Variants in ADGRL4 observed in about 807,000 individuals in gnomAD.
ADGRL4 encodes the protein adhesion G protein-coupled receptor L4, also known as EGF, latrophilin and seven transmembrane domain containing 1.
A neutral mutation model predicts 74.8 loss-of-function variants in ADGRL4; 90 were observed. The observed-to-expected ratio is 1.20, with a 90% CI of 1.02 to 1.43. The LOEUF (loss-of-function observed/expected upper bound fraction) is 1.43. Among genes scored for constraint, ADGRL4 ranks in the 40% most tolerant of loss-of-function variants. The probability of loss-of-function intolerance (pLI) is 0.00; values close to 1 mark genes in which losing one functional copy is unlikely to be tolerated. For missense variants in ADGRL4, 881 were observed against 814.3 expected (o/e 1.08, Z -1.00); for synonymous variants, 311 against 279.2 (o/e 1.11, Z -1.14).
chr1:78,898,660 G>C (rs564788238), intron 12 of ADGRL4, among the ~76,000 whole-genome samples: 23 of 151,894 alleles, frequency 1.5e-4, no homozygotes, highest in Non-Finnish European at 3.4e-4. Flanking sequence ...AAAAATAGCT[G>C]TGAAGAAAAA....
intron 12 of ADGRL4, among the ~76,000 whole-genome samples, chr1:78,899,400 G>A (rs1198453241): frequency 2.6e-5 from 4 of 152,276 alleles, no homozygotes; most frequent in South Asian, 2.1e-4. Flanking sequence ...TGTTGCCCAG[G>A]CTGGAGTGCA....
rs1160580495 is a variant in ADGRL4, at chr1:78,999,839, TCTAC to T, written c.172+5227_172+5230del. 8.6e-3 allele frequency among the ~76,000 whole-genome samples: 964 copies of T among 111,608 alleles called. 11 individuals carry two copies. The highest frequency in any genetic ancestry group is 0.018 in the African/African-American group (556 of 30,058). The allele number at this position is 111,608 out of a possible 152,430, so 73.2% of individuals were successfully genotyped here. Reference sequence around the variant, plus strand: ...ATCTATCTATCTATCTATCTATCTATCTACCTACCTACCTACCTATCAACTTTAT... The same window carrying T: ...ATCTATCTATCTATCTATCTATCTATCTACCTACCTACCTATCAACTTTAT... On this transcript the variant is annotated intron_variant, in intron 2 of 14. Transcript: ENST00000370742.
chr1:78,893,058 C>CAAAAA lies in ADGRL4; in HGVS notation c.1841+35_1841+39dup. 1.3e-3 allele frequency: 1,114 copies of CAAAAA among 847,900 alleles called. 4 individuals carry two copies. The highest frequency in any genetic ancestry group is 2.5e-3 in the South Asian group (121 of 48,720). The allele number at this position is 847,900 out of a possible 1,614,324, so 52.5% of individuals were successfully genotyped here. On this transcript the variant is annotated intron_variant, in intron 13 of 14. Transcript: ENST00000370742. ...TTGAGTTACTAAAGCTTTTAATTAC[C>CAAAAA]AAAAAAAAAAAAAAAAAGTGAACTT... is the stretch of plus-strand genomic sequence containing the variant.
At chr1:78,996,663 T>C (rs1398199760) in intron 2 of ADGRL4, among the ~76,000 whole-genome samples, 1 of 152,206 alleles carries the variant, frequency 6.6e-6, no homozygotes, top group East Asian at 1.9e-4. Context: ...AGGCCTTCCA[T>C]GGTTGATCCT....
In ADGRL4 at chr1:79,006,620, G is replaced by T. The variant is rs952386561; in HGVS notation, c.22+13C>A. ...TCCGACGACCTCGGCGACCAGGGGCGCTGAGCACTCACCTAGGAGCGGGAG... is the reference window on the plus strand; with the variant it reads ...TCCGACGACCTCGGCGACCAGGGGCTCTGAGCACTCACCTAGGAGCGGGAG... On this transcript the variant is annotated intron_variant, in intron 1 of 14. Coordinates refer to ENST00000370742, the MANE Select transcript of ADGRL4 (RefSeq NM_022159.4). 2.0e-6 allele frequency: 3 copies of T among 1,534,820 alleles called. No homozygotes were observed. Among genetic ancestry groups the T allele is most frequent in the South Asian group, 1.2e-5 (1 of 82,766 alleles).
chr1:78,968,175 A>G (rs1650093258), intron 2 of ADGRL4, among the ~76,000 whole-genome samples: 1 of 152,152 alleles, frequency 6.6e-6, no homozygotes, highest in East Asian at 1.9e-4. Context: ...TAAGGTTGTT[A>G]TGATGTCACT....
chr1:78,972,513 TAACAA>T lies in ADGRL4; in HGVS notation c.173-26092_173-26088del, dbSNP rs924083666. ...ATAAGAGGCAATGGTTTCAGTCCTG[TAACAA>T]CTCTTTATAATTTAAGTACTGTACA... is the stretch of plus-strand genomic sequence containing the variant. On this transcript the variant is annotated intron_variant, in intron 2 of 14. Coordinates refer to ENST00000370742, the MANE Select transcript of ADGRL4 (RefSeq NM_022159.4). Among the ~76,000 whole-genome samples, 248 of 152,308 alleles carry T rather than the reference TAACAA, an allele frequency of 1.6e-3. 1 individual carries two copies. The highest frequency in any genetic ancestry group is 5.7e-3 in the African/African-American group (239 of 41,568).
chr1:78,913,477 G>A lies in ADGRL4; in HGVS notation c.1749+4157C>T, dbSNP rs574497171. On this transcript the variant is annotated intron_variant, in intron 12 of 14. Coordinates refer to ENST00000370742, the MANE Select transcript of ADGRL4 (RefSeq NM_022159.4). ...ATGAGTTCATGTCCTTTGCAGGGTC[G>A]TGGATGGAACTGGAGGTCATTATCC... Among the ~76,000 whole-genome samples the A allele has an allele frequency of 5.3e-5, 8 of 151,920 alleles. No individual in the cohort carries two copies. The East Asian group carries it at 7.8e-4, about 15-fold the overall frequency.
chr1:78,889,822 C>T lies in ADGRL4; in HGVS notation c.*1332G>A. ...GATTTGGCAGACTTCATTTCAACAGCTGGAGGAATTAATTTAAAATCACAA... is the reference window on the plus strand; with the variant it reads ...GATTTGGCAGACTTCATTTCAACAGTTGGAGGAATTAATTTAAAATCACAA... On this transcript the variant is annotated 3_prime_UTR_variant, in exon 15 of 15. Coordinates refer to ENST00000370742, the MANE Select transcript of ADGRL4 (RefSeq NM_022159.4). 1.5e-5 allele frequency: 7 copies of T among 462,102 alleles called. No individual in the cohort carries two copies. The highest frequency in any genetic ancestry group is 3.1e-5 in the Non-Finnish European group (7 of 222,694). The allele number at this position is 462,102 out of a possible 1,614,324, so 28.6% of individuals were successfully genotyped here. A position where few individuals can be genotyped will look rare whatever the true frequency, so the allele number is the denominator to read the frequency against.
At chr1:78,969,753 T>C (rs1650133421) in intron 2 of ADGRL4, among the ~76,000 whole-genome samples, 1 of 151,880 alleles carries the variant, frequency 6.6e-6, no homozygotes, top group Non-Finnish European at 1.5e-5. Context: ...AGAGAGAAAT[T>C]ATGTTTCAAA....
intron 8 of ADGRL4, among the ~76,000 whole-genome samples, chr1:78,923,574 C>A (rs1250551471): frequency 1.3e-5 from 2 of 151,588 alleles, no homozygotes; most frequent in Non-Finnish European, 2.9e-5. Flanking sequence ...AGACAGGGAA[C>A]CAAGATGAAC....
intron 2 of ADGRL4, among the ~76,000 whole-genome samples, chr1:78,985,607 A>T (rs559557871): frequency 1.3e-5 from 2 of 151,832 alleles, no homozygotes; most frequent in Non-Finnish European, 2.9e-5. Flanking sequence ...CATCTAAATG[A>T]AGACAGAAAA....
chr1:78,905,679 A>G (rs1420601479), intron 12 of ADGRL4, among the ~76,000 whole-genome samples: 1 of 151,994 alleles, frequency 6.6e-6, no homozygotes, highest in East Asian at 1.9e-4. Flanking sequence ...ACTATTTTCT[A>G]TTTTATTTGG....
chr1:78,993,235 A>G (rs1022812165), intron 2 of ADGRL4, among the ~76,000 whole-genome samples: 6 of 152,172 alleles, frequency 3.9e-5, no homozygotes, highest in Admixed American at 2.0e-4. Flanking sequence ...ATTTCTTCCC[A>G]GTTGGTTTAT....
rs148595846 is a variant in ADGRL4 at position 78,972,463 on chromosome 1, G to A, written c.173-26037C>T. On this transcript the variant is annotated intron_variant, in intron 2 of 14. Transcript: ENST00000370742. ...AAAGATTTTTAAAATAATAAAATCCGAAACATGAGTCTCTTCCATAAAATA... is the reference window on the plus strand; with the variant it reads ...AAAGATTTTTAAAATAATAAAATCCAAAACATGAGTCTCTTCCATAAAATA... 1.4e-3 allele frequency among the ~76,000 whole-genome samples: 219 copies of A among 152,158 alleles called. 5 individuals are homozygous for A. The East Asian group carries it at 0.028, about 19-fold the overall frequency.
At position 78,939,356 on chromosome 1, in the gene ADGRL4, A is replaced by G; in HGVS notation, c.326-98T>C. On this transcript the variant is annotated intron_variant, in intron 3 of 14. Transcript: ENST00000370742. ...AATGATCTTTCTCACTTATTTAAAT[A>G]TTAAAAAGACATTCTCTAACACTTG... 4 of 1,161,436 alleles carry G rather than the reference A, an allele frequency of 3.4e-6. No individual in the cohort carries two copies. The South Asian group carries it at 1.1e-4, about 33-fold the overall frequency. The allele number at this position is 1,161,436 out of a possible 1,614,324, so 71.9% of individuals were successfully genotyped here.
intron 2 of ADGRL4, among the ~76,000 whole-genome samples, chr1:78,989,907 T>C (rs1650571062): frequency 6.6e-6 from 1 of 151,920 alleles, no homozygotes. Flanking sequence ...ATGTAGAAAC[T>C]GGTAGATGCC....
intron 2 of ADGRL4, among the ~76,000 whole-genome samples, chr1:78,949,186 G>C (rs1328858095): frequency 6.6e-6 from 1 of 152,050 alleles, no homozygotes; most frequent in Non-Finnish European, 1.5e-5. Flanking sequence ...TGAGGTATTG[G>C]TTGGAGTACA....
At chr1:78,982,425 T>A (rs1407471704) in intron 2 of ADGRL4, among the ~76,000 whole-genome samples, 1 of 151,906 alleles carries the variant, frequency 6.6e-6, no homozygotes, top group Non-Finnish European at 1.5e-5. Context: ...CAATTAATTA[T>A]CTCACAAAAG....
Sources: gnomAD v4.1 joint callset for allele counts (sites outside exome capture counted in the v4.1 genomes callset) on GRCh38, gnomAD v4.1.1 for gene constraint, MANE v1.5 for transcripts, NCBI Gene and HGNC (gene_info 2026-07-23, HGNC 2026-07-21) for gene names.